Variants in SUGT1 observed in about 807,000 individuals in gnomAD.
SUGT1 encodes protein SGT1 homolog.
In SUGT1, 15 loss-of-function variants were observed where a neutral mutation model predicts 56.1. The observed-to-expected ratio is 0.27, with a 90% confidence interval of 0.18 to 0.41. The LOEUF is 0.41. Ranked by LOEUF, SUGT1 falls within the 10% of genes least tolerant of loss-of-function variation. SUGT1 has a pLI of 1.00. For missense variants in SUGT1, 347 were observed against 382.2 expected, an observed-to-expected ratio of 0.91 and a Z score of 0.77; for synonymous variants, 123 against 128.6, an observed-to-expected ratio of 0.96 and a Z score of 0.30.
chr13:52,664,973 A>G (rs1016603676), intron 8 of SUGT1, among the ~76,000 whole-genome samples: 1 of 152,192 alleles, frequency 6.6e-6, no homozygotes, highest in South Asian at 2.1e-4. Context: ...GAGGATTCCT[A>G]CGTTTCTAGA....
Position 52,653,047 on chromosome 13 carries a change from T to C in SUGT1, c.40T>C (p.Phe14Leu), listed in dbSNP as rs753274611. The change falls in exon 2 of 13, where the codon TTT becomes CTT. Residue 14 changes from phenylalanine (F) to leucine (L), a missense_variant and splice_region_variant. Physicochemically the swap from Phe to Leu is conservative, Grantham distance 22. Coordinates refer to ENST00000310528, the MANE Select transcript of SUGT1 (RefSeq NM_006704.5). ...CTGAAGTCGTTGTTTTCCTGACAGG[T>C]TTTTCCAGAGCTTCTCGGATGCCCT... Reference protein sequence around the residue: ...AAAGTATSQRFFQSFSDALID... With the variant: ...AAAGTATSQRLFQSFSDALID... The C allele has an allele frequency of 1.2e-6, 2 of 1,614,018 alleles. No homozygotes were observed. The highest frequency in any genetic ancestry group is 3.3e-5 in the Admixed American group (2 of 60,006).
In SUGT1 at chr13:52,689,328, G is replaced by GTTGGA. The variant is rs1178674293; in HGVS notation, c.*1495_*1499dup. On this transcript the variant is annotated 3_prime_UTR_variant, in exon 13 of 13. Transcript: ENST00000310528. The stretch of plus-strand genomic sequence containing the variant: ...AAGGAAAAGGCAAAATTAAGTTTTG[G>GTTGGA]TTGGATGGATTTCTAAAGTTTTCTT... 2 of 151,934 alleles carry GTTGGA rather than the reference G, an allele frequency of 1.3e-5. No homozygotes were observed. Among genetic ancestry groups the GTTGGA allele is most frequent in the East Asian group, 3.9e-4 (2 of 5,186 alleles). 9.4% of individuals were successfully genotyped at this position (151,934 alleles called of 1,614,324 possible).
At chr13:52,681,285 G>A (rs1963362995) in intron 12 of SUGT1, among the ~76,000 whole-genome samples, 1 of 151,374 alleles carries the variant, frequency 6.6e-6, no homozygotes, top group Non-Finnish European at 1.5e-5. Flanking sequence ...AGGCCTGGTG[G>A]CATGTGTCTG....
rs755260580 is a variant in SUGT1 at position 52,687,854 on chromosome 13, A to G, written c.*19A>G. The G allele has an allele frequency of 2.6e-6, 4 of 1,541,924 alleles. No individual in the cohort carries two copies. Among genetic ancestry groups the G allele is most frequent in the Non-Finnish European group, 3.5e-6 (4 of 1,135,302 alleles). Reference sequence around the variant, plus strand: ...GTACTAAATAAATTAATTTGCTCTCATCGTATTGTGTATATTCACCTAATG... The same window carrying G: ...GTACTAAATAAATTAATTTGCTCTCGTCGTATTGTGTATATTCACCTAATG... On this transcript the variant is annotated 3_prime_UTR_variant, in exon 13 of 13. Coordinates refer to ENST00000310528, the MANE Select transcript of SUGT1 (RefSeq NM_006704.5).
At chr13:52,682,022 T>A (rs564471324) in intron 12 of SUGT1, among the ~76,000 whole-genome samples, 4 of 151,584 alleles carry the variant, frequency 2.6e-5, no homozygotes, top group African/African-American at 9.7e-5. Flanking sequence ...GTAGTTTTCA[T>A]TTTCTTAATA....
intron 12 of SUGT1, among the ~76,000 whole-genome samples, chr13:52,684,215 A>G (rs902326338): frequency 6.6e-6 from 1 of 151,754 alleles, no homozygotes; most frequent in Non-Finnish European, 1.5e-5. Flanking sequence ...TACTCTTTTG[A>G]TGTCTGCAGG....
chr13:52,659,480 A>G (rs1378462212), intron 5 of SUGT1, among the ~76,000 whole-genome samples: 1 of 152,114 alleles, frequency 6.6e-6, no homozygotes, highest in Admixed American at 6.5e-5. Flanking sequence ...AAAAAAAACT[A>G]TGGAAACACC....
intron 8 of SUGT1, among the ~76,000 whole-genome samples, chr13:52,665,293 T>G (rs549850124): frequency 6.6e-6 from 1 of 152,162 alleles, no homozygotes; most frequent in Non-Finnish European, 1.5e-5. Context: ...GTATAAAAAC[T>G]CTATTGATGG....
chr13:52,666,051 C>G (rs1332901779), intron 9 of SUGT1, among the ~76,000 whole-genome samples: 1 of 152,156 alleles, frequency 6.6e-6, no homozygotes, highest in African/African-American at 2.4e-5. Context: ...TCACACATGT[C>G]TTAGAATTGA....
At chr13:52,661,271 T>G (rs972394102) in intron 5 of SUGT1, among the ~76,000 whole-genome samples, 1 of 152,128 alleles carries the variant, frequency 6.6e-6, no homozygotes, top group Non-Finnish European at 1.5e-5. Context: ...GGAAACTTTT[T>G]TTGTTGTTGT....
rs73488279 is a variant in SUGT1 at position 52,673,318 on chromosome 13, C to T, written c.628-2912C>T. Among the ~76,000 whole-genome samples the T allele has an allele frequency of 7.6e-3, 1,151 of 151,590 alleles. 11 individuals are homozygous for T. Among genetic ancestry groups the T allele is most frequent in the African/African-American group, 0.027 (1,096 of 41,268 alleles). On this transcript the variant is annotated intron_variant, in intron 10 of 12. Coordinates refer to ENST00000310528, the MANE Select transcript of SUGT1 (RefSeq NM_006704.5). The stretch of plus-strand genomic sequence containing the variant: ...CTGGAGTGCAGTGGAGTGATCATGG[C>T]CCACTGTGGCCTCAACCTCTTGGGC...
intron 7 of SUGT1, among the ~76,000 whole-genome samples, chr13:52,663,560 C>G (rs185581426): frequency 5.5e-4 from 83 of 152,266 alleles, no homozygotes; most frequent in Admixed American, 2.4e-3. Context: ...CTTCAAACTC[C>G]TGGGCTCAAG....
chr13:52,656,847 C>T (rs1962187058), intron 2 of SUGT1, among the ~76,000 whole-genome samples: 1 of 152,168 alleles, frequency 6.6e-6, no homozygotes, highest in African/African-American at 2.4e-5. Flanking sequence ...TGTCTTTGAT[C>T]TCCCTAATTG....
At chr13:52,683,128 A>G (rs1963442254) in intron 12 of SUGT1, among the ~76,000 whole-genome samples, 1 of 152,104 alleles carries the variant, frequency 6.6e-6, no homozygotes. Context: ...CACTGGCTGC[A>G]ACTTCCGCAC....
intron 12 of SUGT1, 27 bp downstream of exon 12, chr13:52,680,182 ATATG>A: frequency 6.5e-7 from 1 of 1,528,184 alleles, no homozygotes; most frequent in Non-Finnish European, 8.7e-7. Flanking sequence ...AAAGAAATAT[ATATG>A]GGAGCAAATT....
Position 52,690,320 on chromosome 13 carries a change from C to G in SUGT1, c.*2485C>G, listed in dbSNP as rs1239487547. 3 of 152,186 alleles carry G rather than the reference C, an allele frequency of 2.0e-5. No homozygotes were observed. The highest frequency in any genetic ancestry group is 2.9e-5 in the Non-Finnish European group (2 of 68,030). The allele number at this position is 152,186 out of a possible 1,614,324, so 9.4% of individuals were successfully genotyped here. On this transcript the variant is annotated 3_prime_UTR_variant, in exon 13 of 13. Coordinates refer to ENST00000310528, the MANE Select transcript of SUGT1 (RefSeq NM_006704.5). The stretch of plus-strand genomic sequence containing the variant: ...CTTTCTGATTAAGAGCCTCTTAACT[C>G]TATCCTTATCCTCTGCTATCTCAAT...
chr13:52,686,488 G>A (rs1405809740), intron 12 of SUGT1, among the ~76,000 whole-genome samples: 1 of 152,158 alleles, frequency 6.6e-6, no homozygotes, highest in Non-Finnish European at 1.5e-5. Flanking sequence ...AAATTTACAG[G>A]AATAGAGAAA....
chr13:52,666,942 T>C (rs746179464), intron 10 of SUGT1, 23 bp downstream of exon 10: 17 of 1,518,990 alleles, frequency 1.1e-5, no homozygotes, highest in Admixed American at 1.8e-5. Context: ...AAAAGTTTGT[T>C]ACTAGTAATA....
intron 6 of SUGT1, among the ~76,000 whole-genome samples, 162 bp downstream of exon 6, chr13:52,662,864 T>G (rs548072621): frequency 6.6e-6 from 1 of 152,350 alleles, no homozygotes; most frequent in South Asian, 2.1e-4. Context: ...TTGCATAGCT[T>G]CTTATGTTGA....
Sources: gnomAD v4.1 joint callset for allele counts (sites outside exome capture counted in the v4.1 genomes callset) on GRCh38, gnomAD v4.1.1 for gene constraint, MANE v1.5 for transcripts, NCBI Gene and HGNC (gene_info 2026-07-23, HGNC 2026-07-21) for gene names.